The following CNNM2 variants were observed in gnomAD, a reference collection of about 807,000 sequenced individuals.
The protein encoded by CNNM2 is metal transporter CNNM2.
Under a neutral mutation model 66.9 loss-of-function variants are expected in CNNM2, and 12 were observed. The ratio of observed to expected loss-of-function variants is 0.18; its 90% CI spans 0.11 to 0.29. CNNM2 has a LOEUF of 0.29. Among genes scored for constraint, CNNM2 ranks in the 10% least tolerant of loss-of-function variants. The probability of loss-of-function intolerance (pLI) is 1.00; values close to 1 mark genes in which losing one functional copy is unlikely to be tolerated. For missense variants in CNNM2, 705 were observed against 1,167.7 expected (o/e 0.60, Z 5.77); for synonymous variants, 557 against 501.8 (o/e 1.11, Z -1.47).
chr10:102,984,272 G>A (rs2063762500), intron 1 of CNNM2, among the ~76,000 whole-genome samples: 1 of 152,186 alleles, frequency 6.6e-6, no homozygotes, highest in Non-Finnish European at 1.5e-5. Flanking sequence ...GTGTGGAATT[G>A]TTTTACTAGG....
intron 1 of CNNM2, among the ~76,000 whole-genome samples, chr10:103,002,080 T>C (rs1483907970): frequency 6.6e-6 from 1 of 152,106 alleles, no homozygotes; most frequent in Non-Finnish European, 1.5e-5. Flanking sequence ...AGGTAAAGCT[T>C]TCTTAGATAT....
At chr10:102,960,151 A>G (rs531581886) in intron 1 of CNNM2, among the ~76,000 whole-genome samples, 3 of 152,296 alleles carry the variant, frequency 2.0e-5, no homozygotes, top group Admixed American at 2.0e-4. Context: ...ATCCATGTGA[A>G]GAGCTCAGCA....
At chr10:103,055,168 C>G (rs1320285617) in intron 3 of CNNM2, among the ~76,000 whole-genome samples, 3 of 152,162 alleles carry the variant, frequency 2.0e-5, no homozygotes, top group Non-Finnish European at 4.4e-5. Flanking sequence ...AACCCTTCTC[C>G]CATCCCCAGA....
At chr10:103,065,362 C>T (rs1273115311) in intron 4 of CNNM2, among the ~76,000 whole-genome samples, 1 of 152,198 alleles carries the variant, frequency 6.6e-6, no homozygotes, top group East Asian at 1.9e-4. Context: ...GGGCCGGAGC[C>T]AGAGTCGGTA....
chr10:103,028,491 A>G (rs2064751319), intron 1 of CNNM2, among the ~76,000 whole-genome samples: 1 of 152,214 alleles, frequency 6.6e-6, no homozygotes, highest in Admixed American at 6.5e-5. Flanking sequence ...AGTGGGCTTC[A>G]TCTGAGAACA....
At position 103,077,219 on chromosome 10, in the gene CNNM2, A is replaced by G; in HGVS notation, c.*39A>G. Reference sequence around the variant, plus strand: ...CACCCGCCCAGGCCCGCACCCGCCCAGTCCCGAGGGCCCGGCCCTGTCTGC... The same window carrying G: ...CACCCGCCCAGGCCCGCACCCGCCCGGTCCCGAGGGCCCGGCCCTGTCTGC... On this transcript the variant is annotated 3_prime_UTR_variant, in exon 8 of 8. Transcript: ENST00000369878. The G allele has an allele frequency of 3.2e-6, 5 of 1,581,826 alleles. No homozygotes were observed. The highest frequency in any genetic ancestry group is 4.3e-6 in the Non-Finnish European group (5 of 1,157,772).
chr10:102,978,404 G>C (rs752469100), intron 1 of CNNM2, among the ~76,000 whole-genome samples: 3 of 151,516 alleles, frequency 2.0e-5, no homozygotes, highest in Non-Finnish European at 4.4e-5. Flanking sequence ...TTATGACTTC[G>C]ATTCTCTTAA....
rs78883158 is a variant in CNNM2 at position 103,025,909 on chromosome 10, T to G, written c.1622-23798T>G. 0.015 allele frequency among the ~76,000 whole-genome samples: 2,257 copies of G among 152,352 alleles called. 56 individuals carry two copies. The highest frequency in any genetic ancestry group is 0.051 in the African/African-American group (2,102 of 41,576). ...CTCACAAAGTTCATGTGGCGAAACT[T>G]AATCTCCAATGCAAACACTGGGAGA... On this transcript the variant is annotated intron_variant, in intron 1 of 7. Coordinates refer to ENST00000369878, the MANE Select transcript of CNNM2 (RefSeq NM_017649.5).
chr10:103,040,835 A>C (rs1004322858), intron 1 of CNNM2, among the ~76,000 whole-genome samples: 3 of 152,180 alleles, frequency 2.0e-5, no homozygotes, highest in Admixed American at 6.5e-5. Flanking sequence ...CTCCCGTGAC[A>C]TAGTTTGTAT....
At chr10:102,942,294 C>T (rs561434460) in intron 1 of CNNM2, among the ~76,000 whole-genome samples, 17 of 152,312 alleles carry the variant, frequency 1.1e-4, no homozygotes, top group Admixed American at 7.2e-4. Context: ...AAAACTGAAT[C>T]TCTATACCTA....
intron 2 of CNNM2, among the ~76,000 whole-genome samples, chr10:103,053,716 G>A (rs1457403276): frequency 6.6e-6 from 1 of 152,154 alleles, no homozygotes; most frequent in South Asian, 2.1e-4. Flanking sequence ...GAGGAAGTTC[G>A]CAGACCTCTG....
At chr10:103,057,984 T>C (rs916110845) in intron 4 of CNNM2, among the ~76,000 whole-genome samples, 1 of 152,218 alleles carries the variant, frequency 6.6e-6, no homozygotes, top group Admixed American at 6.5e-5. Context: ...TGGATATTAG[T>C]CGATAAAATG....
At chr10:103,073,061 C>T (rs1389515944) in intron 6 of CNNM2, among the ~76,000 whole-genome samples, 1 of 152,254 alleles carries the variant, frequency 6.6e-6, no homozygotes, top group Non-Finnish European at 1.5e-5. Context: ...GCAGTGGGCT[C>T]AAGCTCAGGG....
Position 103,089,525 on chromosome 10 carries a change from GATAATAAAATCTTC to G in CNNM2, c.*12347_*12360del. On this transcript the variant is annotated 3_prime_UTR_variant, in exon 8 of 8. Transcript: ENST00000369878. ...ACACAAAACCAAAACAAGTATCTAT[GATAATAAAATCTTC>G]AGAAACTTTTCAGACGTACCTTTCA... The G allele has an allele frequency of 3.7e-6, 5 of 1,368,870 alleles. No homozygotes were observed. Among genetic ancestry groups the G allele is most frequent in the Non-Finnish European group, 4.8e-6 (5 of 1,039,898 alleles). 84.8% of individuals were successfully genotyped at this position (1,368,870 alleles called of 1,614,324 possible).
intron 1 of CNNM2, among the ~76,000 whole-genome samples, chr10:103,034,515 G>A (rs1302010548): frequency 6.6e-6 from 1 of 152,098 alleles, no homozygotes; most frequent in Non-Finnish European, 1.5e-5. Context: ...TGTGACAACA[G>A]GACCACATTT....
chr10:102,927,378 A>G, intron 1 of CNNM2: 1 of 1,613,956 alleles, frequency 6.2e-7, no homozygotes, highest in Non-Finnish European at 8.5e-7. Flanking sequence ...TCATACCAAC[A>G]CTGAAAAGAA....
At chr10:103,073,868 C>CAAAAA (rs61331007) in intron 6 of CNNM2, among the ~76,000 whole-genome samples, 3 of 70,240 alleles carry the variant, frequency 4.3e-5, no homozygotes, top group African/African-American at 6.1e-5. Flanking sequence ...GACTCCGTCT[C>CAAAAA]AAAAAAAAAA....
At chr10:103,057,995 C>G (rs1395180478) in intron 4 of CNNM2, among the ~76,000 whole-genome samples, 1 of 152,166 alleles carries the variant, frequency 6.6e-6, no homozygotes, top group Non-Finnish European at 1.5e-5. Flanking sequence ...CGATAAAATG[C>G]TAATGTGGAT....
chr10:103,065,021 C>G (rs562907131), intron 4 of CNNM2, among the ~76,000 whole-genome samples: 1 of 152,284 alleles, frequency 6.6e-6, no homozygotes, highest in African/African-American at 2.4e-5. Flanking sequence ...TGAATCTCAA[C>G]TAGATGGAGT....
Sources: allele counts gnomAD v4.1 joint callset (sites outside exome capture counted in the v4.1 genomes callset), GRCh38; gene constraint gnomAD v4.1.1; transcripts MANE v1.5; gene names NCBI Gene and HGNC (gene_info 2026-07-23, HGNC 2026-07-21).